PCDHGA3: variants seen among roughly 807,000 people sequenced by gnomAD.
PCDHGA3 encodes the protein protocadherin gamma subfamily A, 3.
Under a neutral mutation model 58.5 loss-of-function variants are expected in PCDHGA3, and 40 were observed. The observed-to-expected ratio is 0.68, with a 90% CI of 0.53 to 0.89. The LOEUF (loss-of-function observed/expected upper bound fraction) is 0.89. Among genes scored for constraint, PCDHGA3 ranks in the 40% least tolerant of loss-of-function variants. PCDHGA3 has a pLI of 0.00. For missense variants in PCDHGA3, 1,223 were observed against 1,195.9 expected, an observed-to-expected ratio of 1.02 and a Z score of -0.33; for synonymous variants, 530 against 525.7, an observed-to-expected ratio of 1.01 and a Z score of -0.11.
intron 1 of PCDHGA3, chr5:141,414,010 G>A (rs1308472085): frequency 1.2e-6 from 2 of 1,612,990 alleles, no homozygotes; most frequent in Non-Finnish European, 1.7e-6. Flanking sequence ...AGGTGCCAAT[G>A]GAGAAGTGAC....
chr5:141,415,755 T>G (rs753465209), intron 1 of PCDHGA3: 41 of 1,387,576 alleles, frequency 3.0e-5, no homozygotes, highest in Middle Eastern at 2.6e-4. Flanking sequence ...TTTTTTTTTT[T>G]TTTTTTTTTT....
chr5:141,481,913 CAAAAAAAA>C (rs34114744), intron 1 of PCDHGA3, among the ~76,000 whole-genome samples: 1 of 90,852 alleles, frequency 1.1e-5, no homozygotes, highest in African/African-American at 4.2e-5. Flanking sequence ...AACTCCATCT[CAAAAAAAA>C]AAAAAAAAAA....
rs1213653891 is a variant in PCDHGA3 at position 141,419,687 on chromosome 5, C to T, written c.2424+73230C>T. 1.9e-6 allele frequency: 3 copies of T among 1,612,692 alleles called. No individual in the cohort carries two copies. In the African/African-American group the frequency reaches 4.0e-5, roughly 22 times the overall value. On this transcript the variant is annotated intron_variant, in intron 1 of 3. Transcript: ENST00000253812. ...TGCCTGGCTGTCCTACCACGTGGTG[C>T]AGGCCAGTGAGCCCGGGCTCTTCAG...
chr5:141,398,011 T>A lies in PCDHGA3; in HGVS notation c.2424+51554T>A, dbSNP rs531266866. On this transcript the variant is annotated intron_variant, in intron 1 of 3. Coordinates refer to ENST00000253812, the MANE Select transcript of PCDHGA3 (RefSeq NM_018916.4). ...CGCTTCCTCCTCGGAAAAAGAATCG[T>A]TTCCTAAACTGGAACTGGAACTAAA... The A allele has an allele frequency of 2.7e-5, 38 of 1,413,006 alleles. No homozygotes were observed. In the African/African-American group the frequency reaches 4.3e-4, roughly 16 times the overall value. 87.5% of individuals were successfully genotyped at this position (1,413,006 alleles called of 1,614,324 possible). A position where few individuals can be genotyped will look rare whatever the true frequency, so the allele number is the denominator to read the frequency against.
chr5:141,482,514 G>A (rs2099563611), intron 1 of PCDHGA3, among the ~76,000 whole-genome samples: 1 of 130,122 alleles, frequency 7.7e-6, no homozygotes. Flanking sequence ...CCAGAGTACA[G>A]TATGAGACAG....
intron 1 of PCDHGA3, chr5:141,440,868 T>G (rs1288344051): frequency 3.9e-5 from 6 of 152,150 alleles, no homozygotes; most frequent in Non-Finnish European, 1.5e-5. Context: ...ATCTAGGATG[T>G]GTACAGCGTC....
chr5:141,450,903 C>T (rs1468232105), intron 1 of PCDHGA3, among the ~76,000 whole-genome samples: 3 of 151,086 alleles, frequency 2.0e-5, no homozygotes, highest in African/African-American at 7.3e-5. Context: ...CGGCTCACTG[C>T]AACCGCTGCC....
intron 1 of PCDHGA3, among the ~76,000 whole-genome samples, chr5:141,471,791 A>C (rs904614629): frequency 1.3e-5 from 2 of 152,238 alleles, no homozygotes; most frequent in Admixed American, 1.3e-4. Context: ...ATGCTATGTC[A>C]TATAAAAGAC....
intron 1 of PCDHGA3, chr5:141,376,337 A>G (rs780979921): frequency 1.9e-6 from 3 of 1,613,924 alleles, no homozygotes; most frequent in Non-Finnish European, 2.5e-6. Context: ...TTTCCTGCAG[A>G]CCTATTCCCA....
Position 141,345,412 on chromosome 5 carries a change from A to G in PCDHGA3, c.1379A>G (p.Tyr460Cys), listed in dbSNP as rs887313352. The G allele has an allele frequency of 9.9e-6, 16 of 1,613,908 alleles. No homozygotes were observed. The highest frequency in any genetic ancestry group is 1.4e-5 in the Non-Finnish European group (16 of 1,180,004). Reference sequence around the variant, plus strand: ...TTCCCTCATTTATCCTACTCCGCCTACATTCCAGAAAACAACCCCAGAGGA... The same window carrying G: ...TTCCCTCATTTATCCTACTCCGCCTGCATTCCAGAAAACAACCCCAGAGGA... ...PTFPHLSYSA[Y>C]IPENNPRGAS... Residue 460 changes from tyrosine to cysteine, a missense_variant, in exon 1 of 4, where the codon TAC (tyrosine) becomes TGC (cysteine). Around this residue, in one of 3 missense-constraint regions of PCDHGA3, gnomAD observed 791 missense variants for 708.5 expected, o/e 1.12. Coordinates refer to ENST00000253812, the MANE Select transcript of PCDHGA3 (RefSeq NM_018916.4).
At chr5:141,439,183 ACT>A (rs1255299140) in intron 1 of PCDHGA3, among the ~76,000 whole-genome samples, 3 of 145,262 alleles carry the variant, frequency 2.1e-5, no homozygotes, top group Non-Finnish European at 3.0e-5. Context: ...ACATAGTGAG[ACT>A]CTGACAAAAA....
intron 1 of PCDHGA3, chr5:141,375,772 G>C (rs769630296): frequency 2.5e-6 from 4 of 1,614,228 alleles, no homozygotes; most frequent in Admixed American, 3.3e-5. Flanking sequence ...CCGAGATCCT[G>C]TACCCCGCCC....
intron 1 of PCDHGA3, chr5:141,413,787 A>G (rs2095678061): frequency 6.2e-7 from 1 of 1,613,170 alleles, no homozygotes; most frequent in African/African-American, 1.3e-5. Flanking sequence ...AGCACTCCCT[A>G]GATCGCGAGG....
rs765887978 is a variant in PCDHGA3 at position 141,486,476 on chromosome 5, C to T, written c.2425-8331C>T. The T allele has an allele frequency of 8.7e-6, 14 of 1,613,934 alleles. No homozygotes were observed. The highest frequency in any genetic ancestry group is 1.7e-5 in the Admixed American group (1 of 60,016). ...TGCTTCTGATGCTGGGAACCCTCCT[C>T]TCAGTACCCACAGAACTATTTTCCT... On this transcript the variant is annotated intron_variant, in intron 1 of 3. Transcript: ENST00000253812. This position sits in a 1 kb window ranked among gnomAD's most constrained non-coding sequence, Gnocchi z 5.0.
rs758578821 is a variant in PCDHGA3 at position 141,486,659 on chromosome 5, G to C, written c.2425-8148G>C. The C allele has an allele frequency of 6.8e-6, 11 of 1,613,944 alleles. No individual in the cohort carries two copies. The highest frequency in any genetic ancestry group is 8.5e-6 in the Non-Finnish European group (10 of 1,180,026). On this transcript the variant is annotated intron_variant, in intron 1 of 3. Coordinates refer to ENST00000253812, the MANE Select transcript of PCDHGA3 (RefSeq NM_018916.4). The surrounding 1 kb of genome is among the most constrained non-coding windows in gnomAD (Gnocchi z 5.0). ...TGCGCTTATCTCCTACTCACTCCTGGAGCCCAGGAATCGAGATGTATCAGC... is the reference window on the plus strand; with the variant it reads ...TGCGCTTATCTCCTACTCACTCCTGCAGCCCAGGAATCGAGATGTATCAGC...
intron 1 of PCDHGA3, chr5:141,394,510 C>T (rs371348730): frequency 2.5e-6 from 4 of 1,614,098 alleles, no homozygotes; most frequent in Non-Finnish European, 3.4e-6. Flanking sequence ...CTGTACCCCG[C>T]CCTCCCCACA....
intron 1 of PCDHGA3, among the ~76,000 whole-genome samples, chr5:141,448,768 G>A (rs544426582): frequency 1.3e-5 from 2 of 151,632 alleles, no homozygotes; most frequent in Non-Finnish European, 2.9e-5. Flanking sequence ...GTGAAACCCC[G>A]TCTGTACTAA....
chr5:141,451,860 C>T, intron 1 of PCDHGA3, among the ~76,000 whole-genome samples: 1 of 151,832 alleles, frequency 6.6e-6, no homozygotes, highest in Non-Finnish European at 1.5e-5. Flanking sequence ...CAGCCTAGGC[C>T]ACAGAATGAA....
intron 1 of PCDHGA3, among the ~76,000 whole-genome samples, chr5:141,457,224 A>G (rs1176186371): frequency 6.6e-6 from 1 of 152,158 alleles, no homozygotes; most frequent in African/African-American, 2.4e-5. Flanking sequence ...GTGGTAGGTA[A>G]TTTCCATCTA....
Sources: gnomAD v4.1 joint callset for allele counts (sites outside exome capture counted in the v4.1 genomes callset) on GRCh38, gnomAD v4.1.1 for gene constraint, gnomAD v4.1.1 regional missense constraint, Gnocchi (gnomAD v3.1) non-coding constraint, MANE v1.5 for transcripts, NCBI Gene and HGNC (gene_info 2026-07-23, HGNC 2026-07-21) for gene names.